OTUD7A: variants seen among roughly 807,000 people sequenced by gnomAD.
The protein encoded by OTUD7A is OTU deubiquitinase 7A, also known as OTU domain-containing protein 7A.
Under a neutral mutation model 65.7 loss-of-function variants are expected in OTUD7A, and 12 were observed. That is an observed-to-expected ratio of 0.18 (90% CI 0.12 to 0.30). The LOEUF is 0.30. Among genes scored for constraint, OTUD7A ranks in the 10% least tolerant of loss-of-function variants. OTUD7A has a pLI of 1.00. For synonymous variants in OTUD7A, 641 were observed against 586.3 expected, an observed-to-expected ratio of 1.09 and a Z score of -1.35; for missense variants, 1,148 against 1,304.8, an observed-to-expected ratio of 0.88 and a Z score of 1.85.
At position 31,570,078 on chromosome 15, in the gene OTUD7A, G is replaced by T; in HGVS notation, c.271C>A (p.Pro91Thr). The change falls in exon 4 of 13, where the codon CCA becomes ACA. Residue 91 changes from proline (P) to threonine (T), a missense_variant. Pro to Thr is a conservative substitution (Grantham distance 38, BLOSUM62 -1). Coordinates refer to ENST00000307050, the MANE Select transcript of OTUD7A (RefSeq NM_001382637.1). The stretch of plus-strand genomic sequence containing the variant: ...CGCTCCACCTTGTGCCCGGGCTGTG[G>T]CTCTCGCTCTGGCTGCTTGGGACCC... ...GRGPKQPEREPQPGHKVERPC... is the reference protein window; with the variant it reads ...GRGPKQPERETQPGHKVERPC... The T allele has an allele frequency of 1.9e-6, 3 of 1,614,184 alleles. No individual in the cohort carries two copies. Among genetic ancestry groups the T allele is most frequent in the Non-Finnish European group, 2.5e-6 (3 of 1,180,022 alleles).
intron 1 of OTUD7A, among the ~76,000 whole-genome samples, chr15:31,779,890 C>A (rs1167426208): frequency 6.6e-6 from 1 of 152,090 alleles, no homozygotes; most frequent in Non-Finnish European, 1.5e-5. Flanking sequence ...TTCTTGCCGA[C>A]CTCAACCTGT....
chr15:31,732,135 T>A (rs1430321412), intron 1 of OTUD7A, among the ~76,000 whole-genome samples: 1 of 152,242 alleles, frequency 6.6e-6, no homozygotes, highest in African/African-American at 2.4e-5. Context: ...CAGTCTCTCC[T>A]ACACTTCATG....
chr15:31,808,033 G>A (rs929047556), intron 1 of OTUD7A, among the ~76,000 whole-genome samples: 2 of 151,450 alleles, frequency 1.3e-5, no homozygotes, highest in South Asian at 2.1e-4. Flanking sequence ...ACATAGAGGA[G>A]GGGCCAGAAG....
chr15:31,599,641 T>G lies in OTUD7A; in HGVS notation c.152-29444A>C, dbSNP rs532251561. ...GAACAAAACTGGACAGAGAATGAGT[T>G]TGGCAAATTGACAGAGGTAGGCTTC... On this transcript the variant is annotated intron_variant, in intron 3 of 12. Coordinates refer to ENST00000307050, the MANE Select transcript of OTUD7A (RefSeq NM_001382637.1). Among the ~76,000 whole-genome samples, 5 of 152,274 alleles carry G rather than the reference T, an allele frequency of 3.3e-5. No homozygotes were observed. The East Asian group carries it at 9.7e-4, about 29-fold the overall frequency.
chr15:31,652,675 AC>A (rs1184314819), intron 3 of OTUD7A, among the ~76,000 whole-genome samples: 1 of 151,364 alleles, frequency 6.6e-6, no homozygotes, highest in African/African-American at 2.4e-5. Flanking sequence ...GCCTGAACAG[AC>A]ATTTCACGAA....
At chr15:31,833,615 A>G (rs191443222) in intron 1 of OTUD7A, among the ~76,000 whole-genome samples, 1 of 152,360 alleles carries the variant, frequency 6.6e-6, no homozygotes, top group African/African-American at 2.4e-5. Context: ...ATATGTATTT[A>G]TGCAGTTTAA....
At chr15:31,742,144 A>G (rs1357325828) in intron 1 of OTUD7A, among the ~76,000 whole-genome samples, 1 of 152,120 alleles carries the variant, frequency 6.6e-6, no homozygotes, top group African/African-American at 2.4e-5. Flanking sequence ...GAAATAATTC[A>G]GTCTTACAAT....
Position 31,568,824 on chromosome 15 carries a change from A to T in OTUD7A, c.331+1194T>A, listed in dbSNP as rs147855386. Among the ~76,000 whole-genome samples, 19 of 151,064 alleles carry T rather than the reference A, an allele frequency of 1.3e-4. No homozygotes were observed. In the East Asian group the frequency reaches 3.1e-3, roughly 25 times the overall value. On this transcript the variant is annotated intron_variant, in intron 4 of 12. Transcript: ENST00000307050. Reference sequence around the variant, plus strand: ...ATGCAGCACCTCTGCCTTCCAACTCACTCTCTCCTGCTCCTACCCTGGCCA... The same window carrying T: ...ATGCAGCACCTCTGCCTTCCAACTCTCTCTCTCCTGCTCCTACCCTGGCCA...
At position 31,605,182 on chromosome 15, in the gene OTUD7A, G is replaced by A. The variant is rs570224770; in HGVS notation, c.152-34985C>T. On this transcript the variant is annotated intron_variant, in intron 3 of 12. Coordinates refer to ENST00000307050, the MANE Select transcript of OTUD7A (RefSeq NM_001382637.1). ...TCTCTGTGCTGTGTAGAATCGGTGC[G>A]TGTGGGTGTGCAGGGGGAATGGGTG... Among the ~76,000 whole-genome samples, 3 of 147,892 alleles carry A rather than the reference G, an allele frequency of 2.0e-5. No homozygotes were observed. The South Asian group carries it at 6.4e-4, about 32-fold the overall frequency.
intron 1 of OTUD7A, among the ~76,000 whole-genome samples, chr15:31,854,757 T>C (rs1173029877): frequency 6.6e-6 from 1 of 151,930 alleles, no homozygotes; most frequent in Non-Finnish European, 1.5e-5. Flanking sequence ...GTTTGGGGGA[T>C]TAGGATACTG....
At chr15:31,802,153 A>ATATATATGTG (rs112482684) in intron 1 of OTUD7A, among the ~76,000 whole-genome samples, 1 of 150,178 alleles carries the variant, frequency 6.7e-6, no homozygotes, top group African/African-American at 2.5e-5. Flanking sequence ...ATATATATAT[A>ATATATATGTG]TGTAAAGGGG....
chr15:31,580,029 C>T (rs1889326254), intron 3 of OTUD7A, among the ~76,000 whole-genome samples: 1 of 152,152 alleles, frequency 6.6e-6, no homozygotes, highest in African/African-American at 2.4e-5. Flanking sequence ...ATTTGGGATC[C>T]AAGGGGCTCC....
At position 31,478,342 on chromosome 15, in the gene OTUD7A, A is replaced by T. The variant is rs2041056731; in HGVS notation, c.*4952T>A. On this transcript the variant is annotated 3_prime_UTR_variant, in exon 13 of 13. Transcript: ENST00000307050. ...CTCTTCGCCTTATGTTAAACTAACA[A>T]ATTATGTATATATATATCCTTGATA... The T allele has an allele frequency of 7.1e-6, 1 of 141,136 alleles. No homozygotes were observed. Among genetic ancestry groups the T allele is most frequent in the Non-Finnish European group, 1.6e-5 (1 of 62,008 alleles). 8.7% of individuals were successfully genotyped at this position (141,136 alleles called of 1,614,324 possible). A position where few individuals can be genotyped will look rare whatever the true frequency, so the allele number is the denominator to read the frequency against.
At chr15:31,528,689 TC>T (rs2042047572) in intron 6 of OTUD7A, among the ~76,000 whole-genome samples, 2 of 152,328 alleles carry the variant, frequency 1.3e-5, no homozygotes, top group East Asian at 3.9e-4. Context: ...AGAGATGGCC[TC>T]CTTGTCCTGC....
chr15:31,787,102 C>T (rs950902136), intron 1 of OTUD7A, among the ~76,000 whole-genome samples: 6 of 152,190 alleles, frequency 3.9e-5, no homozygotes, highest in African/African-American at 1.4e-4. Context: ...TTTGAACCTG[C>T]TCCAGAAATG....
chr15:31,626,199 C>T (rs1250571238), intron 3 of OTUD7A, among the ~76,000 whole-genome samples: 1 of 151,992 alleles, frequency 6.6e-6, no homozygotes, highest in African/African-American at 2.4e-5. Context: ...CCATAAAGAA[C>T]CAAAAACATA....
chr15:31,658,899 G>A (rs543721238), intron 1 of OTUD7A, among the ~76,000 whole-genome samples: 4 of 151,362 alleles, frequency 2.6e-5, no homozygotes, highest in Admixed American at 2.0e-4. Context: ...AGGTGTGGTG[G>A]CAGGCACCTG....
chr15:31,493,478 G>A (rs1409346291), intron 10 of OTUD7A, among the ~76,000 whole-genome samples: 1 of 152,194 alleles, frequency 6.6e-6, no homozygotes, highest in East Asian at 1.9e-4. Context: ...GAGCAAGTAG[G>A]CAGAAACCAG....
chr15:31,808,273 G>C (rs1896331734), intron 1 of OTUD7A, among the ~76,000 whole-genome samples: 1 of 152,126 alleles, frequency 6.6e-6, no homozygotes, highest in South Asian at 2.1e-4. Context: ...TCCTACTTGA[G>C]CAGCACTGCC....
Sources: gnomAD v4.1 joint callset for allele counts (sites outside exome capture counted in the v4.1 genomes callset) on GRCh38, gnomAD v4.1.1 for gene constraint, MANE v1.5 for transcripts, NCBI Gene and HGNC (gene_info 2026-07-23, HGNC 2026-07-21) for gene names.